Variants in POC1A observed in about 807,000 individuals in gnomAD.
The protein encoded by POC1A is POC1 centriolar protein A.
Under a neutral mutation model 47.8 loss-of-function variants are expected in POC1A, and 34 were observed. That is an observed-to-expected ratio of 0.71 (90% CI 0.54 to 0.95). The LOEUF is 0.95. Ranked by LOEUF, POC1A falls within the 40% of genes least tolerant of loss-of-function variation. The pLI, the probability that POC1A is intolerant of heterozygous loss-of-function variation, is 0.00. For missense variants in POC1A, 466 were observed against 528.3 expected (o/e 0.88, Z 1.16); for synonymous variants, 177 against 207.6 (o/e 0.85, Z 1.27).
intron 7 of POC1A, among the ~76,000 whole-genome samples, chr3:52,136,334 C>T (rs901677532): frequency 2.6e-5 from 4 of 152,130 alleles, no homozygotes; most frequent in African/African-American, 9.7e-5. Flanking sequence ...CCACCTTCAC[C>T]TGCCCTCCAA....
At chr3:52,105,860 TC>T (rs1703159530) in intron 9 of POC1A, among the ~76,000 whole-genome samples, 1 of 152,150 alleles carries the variant, frequency 6.6e-6, no homozygotes, top group South Asian at 2.1e-4. Context: ...CTTTTCACAT[TC>T]CCCATGCCAG....
At chr3:52,154,201 G>A (rs1333831255) in intron 1 of POC1A, among the ~76,000 whole-genome samples, 154 bp downstream of exon 1, 1 of 152,252 alleles carries the variant, frequency 6.6e-6, no homozygotes, top group East Asian at 1.9e-4. Context: ...GCCCGACCCA[G>A]CGCCCCCTGC....
chr3:52,117,429 G>A (rs1040337263), intron 9 of POC1A, among the ~76,000 whole-genome samples: 3 of 152,204 alleles, frequency 2.0e-5, no homozygotes, highest in Non-Finnish European at 2.9e-5. Context: ...CCACGAAGGA[G>A]GGCCCAGCCT....
intron 9 of POC1A, among the ~76,000 whole-genome samples, chr3:52,107,567 G>A (rs891198451): frequency 6.6e-6 from 1 of 152,200 alleles, no homozygotes; most frequent in Non-Finnish European, 1.5e-5. Flanking sequence ...GGCTCACTAC[G>A]AGCTGGTGCT....
At chr3:52,121,209 G>A (rs1222957765) in intron 9 of POC1A, among the ~76,000 whole-genome samples, 1 of 152,228 alleles carries the variant, frequency 6.6e-6, no homozygotes, top group Non-Finnish European at 1.5e-5. Flanking sequence ...CTAATAGAGA[G>A]GGATTCACAG....
At chr3:52,107,065 G>A (rs1185843512) in intron 9 of POC1A, among the ~76,000 whole-genome samples, 1 of 152,262 alleles carries the variant, frequency 6.6e-6, no homozygotes, top group Non-Finnish European at 1.5e-5. Flanking sequence ...AGGAAGAAGA[G>A]AGCGAGATGA....
chr3:52,106,938 G>T (rs1703206022), intron 9 of POC1A, among the ~76,000 whole-genome samples: 1 of 152,252 alleles, frequency 6.6e-6, no homozygotes, highest in Non-Finnish European at 1.5e-5. Context: ...ACAGTGAAAG[G>T]ATTGCCTTGA....
At chr3:52,098,470 C>A (rs752480120) in intron 9 of POC1A, among the ~76,000 whole-genome samples, 29 of 152,180 alleles carry the variant, frequency 1.9e-4, no homozygotes, top group Non-Finnish European at 4.0e-4. Context: ...GCAATAGAAA[C>A]CCTCCTGGAT....
chr3:52,138,893 G>A (rs987578838), intron 6 of POC1A, among the ~76,000 whole-genome samples: 7 of 152,174 alleles, frequency 4.6e-5, no homozygotes, highest in African/African-American at 1.7e-4. Flanking sequence ...GAGTGCAGTG[G>A]TGCGACCTCA....
intron 9 of POC1A, among the ~76,000 whole-genome samples, chr3:52,103,877 T>A (rs1049465832): frequency 6.6e-6 from 1 of 152,134 alleles, no homozygotes; most frequent in African/African-American, 2.4e-5. Flanking sequence ...CAACTTGAAC[T>A]CTCATATACT....
chr3:52,089,128 G>A (rs1470001962), intron 10 of POC1A, among the ~76,000 whole-genome samples: 5 of 151,868 alleles, frequency 3.3e-5, no homozygotes, highest in African/African-American at 9.7e-5. Context: ...GCAAACACGA[G>A]CTTGCCCGTT....
In POC1A at chr3:52,149,384, C is replaced by A. The variant is rs1450234901; in HGVS notation, c.281G>T (p.Gly94Val). Residue 94 changes from glycine to valine, a missense_variant, in exon 4 of 11, where the codon GGT (glycine) becomes GTT (valine). Transcript: ENST00000296484. Reference protein sequence around the residue: ...TVRIWVPNVKGESTVFRAHTA... With the variant: ...TVRIWVPNVKVESTVFRAHTA... ...GTGTGCACGAAACACAGTGGACTCA[C>A]CTTTGCTACAAGGACAGGCATCCAA... 1 of 1,613,644 alleles carries A rather than the reference C, an allele frequency of 6.2e-7. No homozygotes were observed. The highest frequency in any genetic ancestry group is 1.3e-5 in the African/African-American group (1 of 74,928).
chr3:52,078,008 C>T (rs1290797356), intron 10 of POC1A, among the ~76,000 whole-genome samples: 1 of 152,114 alleles, frequency 6.6e-6, no homozygotes, highest in Non-Finnish European at 1.5e-5. Context: ...ACAACCAGCC[C>T]CCTGCATGAA....
In POC1A at chr3:52,151,523, A is replaced by G. The variant is rs999641889; in HGVS notation, c.19-423T>C. The stretch of plus-strand genomic sequence containing the variant: ...TTACTCAGGAGGCTGACGCAGGAGA[A>G]TGGTGTGAACCCAGGAGGCGGAGCT... On this transcript the variant is annotated intron_variant, in intron 1 of 10. Coordinates refer to ENST00000296484, the MANE Select transcript of POC1A (RefSeq NM_015426.5). Among the ~76,000 whole-genome samples the G allele has an allele frequency of 7.9e-5, 12 of 151,200 alleles. No individual in the cohort carries two copies. The East Asian group carries it at 1.8e-3, about 22-fold the overall frequency.
intron 5 of POC1A, 82 bp downstream of exon 5, chr3:52,146,906 A>C: frequency 8.8e-7 from 1 of 1,134,300 alleles, no homozygotes; most frequent in Non-Finnish European, 1.3e-6. Flanking sequence ...CCAGCCACTG[A>C]AGGCCACTGG....
At chr3:52,139,427 C>T (rs151337364) in intron 6 of POC1A, among the ~76,000 whole-genome samples, 1 of 152,308 alleles carries the variant, frequency 6.6e-6, no homozygotes, top group East Asian at 1.9e-4. Context: ...GAGCCGGCCA[C>T]CCCAGCTCTG....
Position 52,145,925 on chromosome 3 carries a change from C to T in POC1A, c.600G>A (p.Thr200=), listed in dbSNP as rs544009996. Residue 200 remains threonine (T), a synonymous_variant, in exon 6 of 11, where the codon ACG becomes ACA. Transcript: ENST00000296484. ...TGTCCATGCCGGCAGCGGCAATGCACGTCCCACTGGGGTGGAAGTCCACAT... is the reference window on the plus strand; with the variant it reads ...TGTCCATGCCGGCAGCGGCAATGCATGTCCCACTGGGGTGGAAGTCCACAT... ...VTYVDFHPSG[T]CIAAAGMDNT... is the part of the protein sequence containing the mutation. 15 of 1,613,792 alleles carry T rather than the reference C, an allele frequency of 9.3e-6. No individual in the cohort carries two copies. Among genetic ancestry groups the T allele is most frequent in the East Asian group, 6.7e-5 (3 of 44,878 alleles).
intron 4 of POC1A, among the ~76,000 whole-genome samples, chr3:52,148,508 T>G (rs1437064088): frequency 6.6e-6 from 1 of 152,210 alleles, no homozygotes; most frequent in Non-Finnish European, 1.5e-5. Context: ...AGGAATGAAA[T>G]AAGCTAGAAG....
chr3:52,103,407 T>A (rs1260552130), intron 9 of POC1A, among the ~76,000 whole-genome samples: 1 of 152,128 alleles, frequency 6.6e-6, no homozygotes, highest in African/African-American at 2.4e-5. Context: ...GCACCTGTAA[T>A]CCCACCTATT....
Sources: gnomAD v4.1 joint callset for allele counts (sites outside exome capture counted in the v4.1 genomes callset) on GRCh38, gnomAD v4.1.1 for gene constraint, MANE v1.5 for transcripts, NCBI Gene and HGNC (gene_info 2026-07-23, HGNC 2026-07-21) for gene names.